SGCD: variants seen among roughly 807,000 people sequenced by gnomAD.
The protein encoded by SGCD is delta-sarcoglycan.
Under a neutral mutation model 36.6 loss-of-function variants are expected in SGCD, and 18 were observed. The observed-to-expected ratio is 0.49, with a 90% confidence interval of 0.34 to 0.73. The LOEUF (loss-of-function observed/expected upper bound fraction) is 0.73. SGCD is among the 30% of genes least tolerant of loss of function. SGCD has a pLI of 0.01. For missense variants in SGCD, 387 were observed against 346.7 expected (o/e 1.12, Z -0.92); for synonymous variants, 133 against 130.6 (o/e 1.02, Z -0.12).
the SGCD span, among the ~76,000 whole-genome samples, chr5:155,729,969 A>G: frequency 6.6e-6 from 1 of 152,142 alleles, no homozygotes. Context: ...GCCAAAACTC[A>G]TAGTTTCGCT....
chr5:156,266,103 A>G (rs1366845717), intron 3 of SGCD, among the ~76,000 whole-genome samples: 2 of 152,250 alleles, frequency 1.3e-5, no homozygotes, highest in Non-Finnish European at 2.9e-5. Flanking sequence ...TGTTAATAAA[A>G]TCTTCTGTGA....
chr5:156,505,677 TG>T (rs1224735232), intron 3 of SGCD, among the ~76,000 whole-genome samples: 2 of 152,106 alleles, frequency 1.3e-5, no homozygotes, highest in Non-Finnish European at 2.9e-5. Flanking sequence ...ACTAGAAACC[TG>T]GATTTTTCAT....
At chr5:156,172,795 A>G (rs1046601705) in intron 3 of SGCD, among the ~76,000 whole-genome samples, 3 of 152,036 alleles carry the variant, frequency 2.0e-5, no homozygotes, top group Admixed American at 1.3e-4. Context: ...GAATTTTATC[A>G]TAATAATTTA....
At chr5:155,921,494 G>T (rs1184288845) in intron 1 of SGCD, among the ~76,000 whole-genome samples, 2 of 151,982 alleles carry the variant, frequency 1.3e-5, no homozygotes, top group African/African-American at 2.4e-5. Flanking sequence ...GTGCTGATGG[G>T]GGGTAGCAGT....
chr5:156,541,953 T>C (rs1004709067), intron 4 of SGCD, among the ~76,000 whole-genome samples: 1 of 152,200 alleles, frequency 6.6e-6, no homozygotes, highest in Admixed American at 6.5e-5. Context: ...TGGCATTTTA[T>C]TCCTTGAAAA....
intron 7 of SGCD, among the ~76,000 whole-genome samples, chr5:156,678,668 A>G (rs900775712): frequency 6.6e-6 from 1 of 152,202 alleles, no homozygotes; most frequent in Non-Finnish European, 1.5e-5. Context: ...TGTCTGAAGG[A>G]AGCAAAGATA....
intron 3 of SGCD, among the ~76,000 whole-genome samples, chr5:156,237,678 T>C (rs372513655): frequency 3.9e-5 from 6 of 152,238 alleles, no homozygotes; most frequent in South Asian, 2.1e-4. Flanking sequence ...CAGAGGATCC[T>C]ATTAATAGAT....
chr5:156,382,685 C>T lies in SGCD; in HGVS notation c.192+38008C>T, dbSNP rs190254140. ...TCTCTAAATCTAGTAGAGGATATAT[C>T]GGTGCTGGGATATAGTTTGTCAGCT... On this transcript the variant is annotated intron_variant, in intron 3 of 8. Transcript: ENST00000337851. Among the ~76,000 whole-genome samples, 69 of 152,108 alleles carry T rather than the reference C, an allele frequency of 4.5e-4. No individual in the cohort carries two copies. The East Asian group carries it at 8.7e-3, about 19-fold the overall frequency.
At chr5:155,922,829 G>A (rs752604615) in intron 1 of SGCD, among the ~76,000 whole-genome samples, 1 of 152,102 alleles carries the variant, frequency 6.6e-6, no homozygotes, top group Non-Finnish European at 1.5e-5. Context: ...GGCATTTGAG[G>A]TTGGCTGTTT....
intron 6 of SGCD, among the ~76,000 whole-genome samples, chr5:156,596,654 G>A (rs1225948318): frequency 6.6e-6 from 1 of 151,820 alleles, no homozygotes; most frequent in Non-Finnish European, 1.5e-5. Flanking sequence ...AGCTTGTCTG[G>A]TCTATTTCTC....
At chr5:156,724,292 G>A (rs1755659818) in intron 7 of SGCD, among the ~76,000 whole-genome samples, 1 of 152,178 alleles carries the variant, frequency 6.6e-6, no homozygotes, top group Non-Finnish European at 1.5e-5. Flanking sequence ...GGAGCAAGAT[G>A]TAACTGTGGC....
At position 156,498,262 on chromosome 5, in the gene SGCD, C is replaced by CAAAAA. The variant is rs34586524; in HGVS notation, c.193-10327_193-10323dup. 8.3e-4 allele frequency among the ~76,000 whole-genome samples: 85 copies of CAAAAA among 102,890 alleles called. 1 individual carries two copies. The South Asian group carries it at 0.019, about 23-fold the overall frequency. The allele number at this position is 102,890 out of a possible 152,430, so 67.5% of individuals were successfully genotyped here. On this transcript the variant is annotated intron_variant, in intron 3 of 8. Coordinates refer to ENST00000337851, the MANE Select transcript of SGCD (RefSeq NM_000337.6). ...TTCTGTGAACGTCATATTTCTCTTA[C>CAAAAA]AAAAAAAAAAAAAAAACACCTCGTT... is the stretch of plus-strand genomic sequence containing the variant.
chr5:155,888,573 C>T (rs1053481807), intron 1 of SGCD, among the ~76,000 whole-genome samples: 2 of 151,998 alleles, frequency 1.3e-5, no homozygotes, highest in African/African-American at 2.4e-5. Context: ...AGTGGATAGT[C>T]GTAGAGAAGT....
chr5:156,579,002 T>G (rs1300702465), intron 4 of SGCD, among the ~76,000 whole-genome samples: 1 of 152,210 alleles, frequency 6.6e-6, no homozygotes, highest in Non-Finnish European at 1.5e-5. Flanking sequence ...CATTGTGGTG[T>G]TAGGGTGTCG....
At chr5:155,938,894 G>T (rs1427581851) in intron 1 of SGCD, among the ~76,000 whole-genome samples, 1 of 152,226 alleles carries the variant, frequency 6.6e-6, no homozygotes, top group African/African-American at 2.4e-5. Flanking sequence ...AGGAGTCAAA[G>T]TTGGGATTTA....
At chr5:156,296,239 G>A (rs1432541579) in intron 3 of SGCD, among the ~76,000 whole-genome samples, 1 of 152,174 alleles carries the variant, frequency 6.6e-6, no homozygotes, top group African/African-American at 2.4e-5. Flanking sequence ...CTGTCCCATG[G>A]GGAGGTGGAT....
chr5:156,492,167 G>A (rs1486741919), intron 3 of SGCD, among the ~76,000 whole-genome samples: 3 of 152,100 alleles, frequency 2.0e-5, no homozygotes, highest in African/African-American at 7.2e-5. Context: ...TTAATTCATT[G>A]TCATTCTCAC....
chr5:156,665,162 G>C (rs1764098074), intron 7 of SGCD, among the ~76,000 whole-genome samples: 1 of 152,196 alleles, frequency 6.6e-6, no homozygotes, highest in African/African-American at 2.4e-5. Context: ...ACTGGCGGTT[G>C]GGTCTTATTT....
chr5:156,326,418 A>G (rs1767817155), upstream of SGCD, among the ~76,000 whole-genome samples: 2 of 152,232 alleles, frequency 1.3e-5, no homozygotes, highest in Admixed American at 6.5e-5. Context: ...ACATTTTTGG[A>G]CCAGCACTGT....
Sources: allele counts gnomAD v4.1 joint callset (sites outside exome capture counted in the v4.1 genomes callset), GRCh38; gene constraint gnomAD v4.1.1; transcripts MANE v1.5; gene names NCBI Gene and HGNC (gene_info 2026-07-23, HGNC 2026-07-21).